Variants in PRKCQ observed in about 807,000 individuals in gnomAD.
PRKCQ encodes protein kinase C theta type.
A neutral mutation model predicts 91.2 loss-of-function variants in PRKCQ; 41 were observed. The ratio of observed to expected loss-of-function variants is 0.45; its 90% CI spans 0.35 to 0.58. The LOEUF is 0.58. Among genes scored for constraint, PRKCQ ranks in the 20% least tolerant of loss-of-function variants. PRKCQ has a pLI of 0.00. For synonymous variants in PRKCQ, 307 were observed against 316.9 expected (o/e 0.97, Z 0.33); for missense variants, 673 against 896.5 (o/e 0.75, Z 3.18).
At chr10:6,461,085 C>T (rs1835312723) in intron 14 of PRKCQ, among the ~76,000 whole-genome samples, 1 of 149,006 alleles carries the variant, frequency 6.7e-6, no homozygotes, top group Non-Finnish European at 1.5e-5. Flanking sequence ...ATTCATCCAT[C>T]ATTTATCCAT....
chr10:6,538,609 G>C (rs1839667662), intron 1 of PRKCQ, among the ~76,000 whole-genome samples: 1 of 152,202 alleles, frequency 6.6e-6, no homozygotes, highest in Admixed American at 6.5e-5. Context: ...TTGCTTGGCT[G>C]TGATGTCACA....
intron 1 of PRKCQ, among the ~76,000 whole-genome samples, chr10:6,524,773 T>C (rs7077367): frequency 0.29 from 43,950 of 151,740 alleles, 6,951 homozygotes; most frequent in East Asian, 0.46. Context: ...GGGAGGAGGG[T>C]AGTGGGCCAA....
At chr10:6,440,982 T>C (rs1253748762) in intron 16 of PRKCQ, among the ~76,000 whole-genome samples, 1 of 151,986 alleles carries the variant, frequency 6.6e-6, no homozygotes, top group East Asian at 1.9e-4. Flanking sequence ...AGTGAGACTG[T>C]CTCAAAAAAG....
intron 16 of PRKCQ, among the ~76,000 whole-genome samples, chr10:6,434,025 C>A (rs1833556158): frequency 1.1e-5 from 1 of 93,868 alleles, no homozygotes; most frequent in African/African-American, 4.8e-5. Flanking sequence ...CAGAGCAAGA[C>A]TCCTTAAAAA....
chr10:6,552,039 T>C (rs1240177112), intron 1 of PRKCQ, among the ~76,000 whole-genome samples: 1 of 152,218 alleles, frequency 6.6e-6, no homozygotes, highest in African/African-American at 2.4e-5. Flanking sequence ...TGTATCTCAT[T>C]GTGGTTTTGA....
intron 7 of PRKCQ, among the ~76,000 whole-genome samples, chr10:6,494,469 C>T (rs572039513): frequency 0.058 from 214 of 3,688 alleles, 1 homozygote; most frequent in Admixed American, 0.11. Context: ...TCACCTCAGT[C>T]ACCCTTCTGC....
chr10:6,565,547 T>C (rs959662392), intron 1 of PRKCQ, among the ~76,000 whole-genome samples: 3 of 151,712 alleles, frequency 2.0e-5, no homozygotes, highest in African/African-American at 7.3e-5. Flanking sequence ...AATGTTCGCC[T>C]TTTTTTTGGT....
intron 15 of PRKCQ, among the ~76,000 whole-genome samples, chr10:6,451,749 C>T (rs1834693805): frequency 6.6e-6 from 1 of 152,144 alleles, no homozygotes; most frequent in South Asian, 2.1e-4. Flanking sequence ...GGGCTTCATC[C>T]CTGGGATGCA....
At position 6,467,355 on chromosome 10, in the gene PRKCQ, GAC is replaced by G. The variant is rs1231737120; in HGVS notation, c.1354-2953_1354-2952del. ...ACAGACAGAGAGAGAGAGAGAGAGAGACAGAGAGAGAGAGAGAGACAGAGAGA... is the reference window on the plus strand; with the variant it reads ...ACAGACAGAGAGAGAGAGAGAGAGAGAGAGAGAGAGAGAGAGACAGAGAGA... On this transcript the variant is annotated intron_variant, in intron 12 of 17. Coordinates refer to ENST00000263125, the MANE Select transcript of PRKCQ (RefSeq NM_006257.5). 7.7e-3 allele frequency among the ~76,000 whole-genome samples: 904 copies of G among 118,130 alleles called. 37 individuals are homozygous for G. Among genetic ancestry groups the G allele is most frequent in the Middle Eastern group, 0.029 (6 of 208 alleles). 77.5% of individuals were successfully genotyped at this position (118,130 alleles called of 152,430 possible).
chr10:6,479,831 T>C (rs1004042867), intron 11 of PRKCQ, among the ~76,000 whole-genome samples: 2 of 144,172 alleles, frequency 1.4e-5, no homozygotes, highest in Non-Finnish European at 1.5e-5. Context: ...TGGGTGCCTG[T>C]AGTCCCAGCT....
chr10:6,478,452 G>A (rs1295285674), intron 12 of PRKCQ, among the ~76,000 whole-genome samples: 2 of 152,078 alleles, frequency 1.3e-5, no homozygotes, highest in Non-Finnish European at 2.9e-5. Context: ...CTCCCAGAAC[G>A]GCACAGCCTT....
intron 15 of PRKCQ, among the ~76,000 whole-genome samples, chr10:6,453,681 A>C (rs370663732): frequency 0.084 from 12,783 of 152,116 alleles, 716 homozygotes; most frequent in Admixed American, 0.15. Flanking sequence ...AAATGTCCAA[A>C]AATGATAGAC....
intron 1 of PRKCQ, among the ~76,000 whole-genome samples, chr10:6,562,553 C>A (rs1564395283): frequency 6.6e-6 from 1 of 152,030 alleles, no homozygotes; most frequent in Non-Finnish European, 1.5e-5. Context: ...AGGAAATAGC[C>A]CCAAACAGTA....
intron 15 of PRKCQ, among the ~76,000 whole-genome samples, chr10:6,445,081 G>A (rs1240466044): frequency 3.2e-5 from 4 of 124,508 alleles, no homozygotes; most frequent in Admixed American, 1.0e-4. Flanking sequence ...CCAAGATCGC[G>A]CCTCTGCACT....
intron 8 of PRKCQ, among the ~76,000 whole-genome samples, chr10:6,486,704 T>C (rs1836941072): frequency 6.6e-6 from 1 of 152,200 alleles, no homozygotes; most frequent in African/African-American, 2.4e-5. Flanking sequence ...AGAACTCTCC[T>C]GGGCTAAGCC....
chr10:6,400,316 G>A, the PRKCQ span, among the ~76,000 whole-genome samples: 1 of 152,224 alleles, frequency 6.6e-6, no homozygotes, highest in African/African-American at 2.4e-5. Context: ...TGAAAGGACA[G>A]ACATCTTGCT....
intron 11 of PRKCQ, among the ~76,000 whole-genome samples, chr10:6,479,797 C>G (rs640985): frequency 7.4e-5 from 9 of 121,444 alleles, no homozygotes; most frequent in African/African-American, 2.5e-4. Context: ...AAAAAAAAAT[C>G]CAAAAATTAG....
chr10:6,505,028 G>A lies in PRKCQ; in HGVS notation c.379+2408C>T, dbSNP rs188529113. Among the ~76,000 whole-genome samples the A allele has an allele frequency of 3.7e-3, 555 of 151,996 alleles. 5 individuals are homozygous for A. Among genetic ancestry groups the A allele is most frequent in the Non-Finnish European group, 4.9e-3 (336 of 67,962 alleles). On this transcript the variant is annotated intron_variant, in intron 4 of 17. Transcript: ENST00000263125. ...CCTGCCTCAGCCTCCCGAGTAGCTGGGACTACAGGCACACACTGCCATACC... is the reference window on the plus strand; with the variant it reads ...CCTGCCTCAGCCTCCCGAGTAGCTGAGACTACAGGCACACACTGCCATACC...
At chr10:6,394,344 C>T in the PRKCQ span, among the ~76,000 whole-genome samples, 1 of 152,214 alleles carries the variant, frequency 6.6e-6, no homozygotes, top group African/African-American at 2.4e-5. Context: ...ACAGGGCACA[C>T]AGCACTCCAC....
Sources: allele counts gnomAD v4.1 joint callset (sites outside exome capture counted in the v4.1 genomes callset), GRCh38; gene constraint gnomAD v4.1.1; transcripts MANE v1.5; gene names NCBI Gene and HGNC (gene_info 2026-07-23, HGNC 2026-07-21).